Variants in SAMD12 observed in about 807,000 individuals in gnomAD.
SAMD12 encodes the protein sterile alpha motif domain containing 12.
A neutral mutation model predicts 15.0 loss-of-function variants in SAMD12; 9 were observed. That is an observed-to-expected ratio of 0.60 (90% CI 0.36 to 1.05). SAMD12 has a LOEUF of 1.05. Ranked by LOEUF, SAMD12 falls within the 50% of genes least tolerant of loss-of-function variation. SAMD12 has a pLI of 0.01. For synonymous variants in SAMD12, 86 were observed against 90.1 expected, an observed-to-expected ratio of 0.96 and a Z score of 0.25; for missense variants, 230 against 234.2, an observed-to-expected ratio of 0.98 and a Z score of 0.12.
At chr8:118,478,825 G>A (rs1824040317) in intron 2 of SAMD12, among the ~76,000 whole-genome samples, 2 of 152,140 alleles carry the variant, frequency 1.3e-5, no homozygotes, top group South Asian at 4.1e-4. Context: ...GCAGTGAGTG[G>A]GAGCTCCAGG....
chr8:118,365,605 T>G (rs1321852477), intron 4 of SAMD12, among the ~76,000 whole-genome samples: 3 of 152,026 alleles, frequency 2.0e-5, no homozygotes, highest in African/African-American at 4.8e-5. Context: ...TTGACTAAAT[T>G]ATACCACCAG....
intron 3 of SAMD12, among the ~76,000 whole-genome samples, chr8:118,428,556 T>C (rs1184160538): frequency 2.0e-5 from 3 of 152,214 alleles, no homozygotes; most frequent in Non-Finnish European, 2.9e-5. Flanking sequence ...TATGCTTCCT[T>C]CTATAAAGTT....
intron 2 of SAMD12, among the ~76,000 whole-genome samples, chr8:118,536,930 G>T (rs1185072508): frequency 6.6e-6 from 1 of 152,152 alleles, no homozygotes; most frequent in Non-Finnish European, 1.5e-5. Flanking sequence ...AAAGATTCAA[G>T]AACTTCCCTT....
In SAMD12 at chr8:118,560,756, C is replaced by T. The variant is rs118092097; in HGVS notation, c.192+19959G>A. Among the ~76,000 whole-genome samples the T allele has an allele frequency of 4.8e-4, 73 of 152,086 alleles. 3 individuals carry two copies. The East Asian group carries it at 0.013, about 27-fold the overall frequency. On this transcript the variant is annotated intron_variant, in intron 2 of 3. Transcript: ENST00000314727. ...CATTATTATAACCAGTGAATATGCG[C>T]ATGTGAGAGGTCACATGATATAAAT...
At chr8:118,344,071 G>A (rs1817506741) in intron 4 of SAMD12, among the ~76,000 whole-genome samples, 2 of 152,198 alleles carry the variant, frequency 1.3e-5, no homozygotes, top group African/African-American at 4.8e-5. Context: ...AGGAAATGAA[G>A]CAAGCGAGGG....
At chr8:118,445,143 G>A (rs1451676872) in intron 2 of SAMD12, among the ~76,000 whole-genome samples, 1 of 152,058 alleles carries the variant, frequency 6.6e-6, no homozygotes, top group Non-Finnish European at 1.5e-5. Flanking sequence ...CAAGATTACA[G>A]AGAGAGAAAG....
chr8:118,429,235 G>T (rs1822326932), intron 3 of SAMD12, among the ~76,000 whole-genome samples: 2 of 152,012 alleles, frequency 1.3e-5, no homozygotes, highest in Non-Finnish European at 1.5e-5. Flanking sequence ...CTTCATATAG[G>T]TTAAGCATCC....
chr8:118,397,977 C>T (rs1306170429), intron 3 of SAMD12, among the ~76,000 whole-genome samples: 1 of 152,126 alleles, frequency 6.6e-6, no homozygotes, highest in Non-Finnish European at 1.5e-5. Flanking sequence ...TTAGTAGAGA[C>T]AGGGTTTCAC....
intron 4 of SAMD12, among the ~76,000 whole-genome samples, chr8:118,345,451 A>G (rs1277504338): frequency 6.6e-6 from 1 of 152,232 alleles, no homozygotes; most frequent in Non-Finnish European, 1.5e-5. Context: ...GATACTGATG[A>G]GAATGCACAG....
At chr8:118,536,654 TACTTTA>T (rs1017226730) in intron 2 of SAMD12, among the ~76,000 whole-genome samples, 5 of 152,236 alleles carry the variant, frequency 3.3e-5, no homozygotes, top group Non-Finnish European at 5.9e-5. Context: ...ATAAAAACTA[TACTTTA>T]ACTTTGTTAT....
At chr8:118,427,689 T>C (rs554811108) in intron 3 of SAMD12, among the ~76,000 whole-genome samples, 1 of 152,338 alleles carries the variant, frequency 6.6e-6, no homozygotes, top group African/African-American at 2.4e-5. Context: ...TCGTCTTGAC[T>C]GATATAAGGG....
chr8:118,470,158 T>C (rs963865473), intron 2 of SAMD12, among the ~76,000 whole-genome samples: 1 of 151,936 alleles, frequency 6.6e-6, no homozygotes, highest in Non-Finnish European at 1.5e-5. Context: ...AGCAAATCTC[T>C]AAACACTATT....
intron 4 of SAMD12, among the ~76,000 whole-genome samples, chr8:118,270,840 G>C (rs760838421): frequency 6.6e-6 from 1 of 152,148 alleles, no homozygotes; most frequent in Non-Finnish European, 1.5e-5. Flanking sequence ...ATCACAGTGA[G>C]AAAGAATGCA....
chr8:118,455,349 G>T (rs1180149422), intron 2 of SAMD12, among the ~76,000 whole-genome samples: 6 of 151,694 alleles, frequency 4.0e-5, no homozygotes, highest in African/African-American at 1.5e-4. Context: ...GGACCTTCCA[G>T]ATTGAATATC....
intron 2 of SAMD12, among the ~76,000 whole-genome samples, chr8:118,480,843 C>T (rs763545712): frequency 3.3e-5 from 5 of 152,206 alleles, no homozygotes; most frequent in Non-Finnish European, 7.3e-5. Flanking sequence ...CCCCTTCATG[C>T]CACCTCCTCC....
intron 4 of SAMD12, among the ~76,000 whole-genome samples, chr8:118,291,668 A>G (rs1814374419): frequency 6.6e-6 from 1 of 151,896 alleles, no homozygotes; most frequent in Admixed American, 6.6e-5. Context: ...ATTATTATTT[A>G]GTTCGCAGAA....
intron 2 of SAMD12, among the ~76,000 whole-genome samples, chr8:118,550,279 C>A (rs551806967): frequency 7.9e-4 from 120 of 152,234 alleles, no homozygotes; most frequent in Admixed American, 1.8e-3. Context: ...AGCCAGAGAG[C>A]AAGGTCGGGT....
At chr8:118,220,546 C>T (rs1586356448) in intron 4 of SAMD12, among the ~76,000 whole-genome samples, 1 of 152,128 alleles carries the variant, frequency 6.6e-6, no homozygotes. Flanking sequence ...TTTCTTCTAT[C>T]ATTCCTATCA....
At chr8:118,266,574 T>C (rs1360645375) in intron 4 of SAMD12, among the ~76,000 whole-genome samples, 1 of 152,112 alleles carries the variant, frequency 6.6e-6, no homozygotes, top group Non-Finnish European at 1.5e-5. Flanking sequence ...AAGGGCAAGA[T>C]ATGGAATCAA....
Sources: allele counts gnomAD v4.1 joint callset (sites outside exome capture counted in the v4.1 genomes callset), GRCh38; gene constraint gnomAD v4.1.1; transcripts MANE v1.5; gene names NCBI Gene and HGNC (gene_info 2026-07-23, HGNC 2026-07-21).